The following RNF10 variants were observed in gnomAD, a reference collection of about 807,000 sequenced individuals.
The protein encoded by RNF10 is ring finger protein 10, also known as E3 ubiquitin-protein ligase RNF10.
A neutral mutation model predicts 91.4 loss-of-function variants in RNF10; 38 were observed. The ratio of observed to expected loss-of-function variants is 0.42; its 90% CI spans 0.32 to 0.54. The LOEUF (loss-of-function observed/expected upper bound fraction) is 0.54. Ranked by LOEUF, RNF10 falls within the 20% of genes least tolerant of loss-of-function variation. RNF10 has a pLI of 0.16. For synonymous variants in RNF10, 364 were observed against 366.3 expected (o/e 0.99, Z 0.07); for missense variants, 945 against 1,012.0 (o/e 0.93, Z 0.90).
intron 13 of RNF10, among the ~76,000 whole-genome samples, chr12:120,569,643 A>G (rs935452238): frequency 6.7e-5 from 10 of 148,520 alleles, no homozygotes; most frequent in African/African-American, 2.2e-4. Flanking sequence ...GGTTGAAGCA[A>G]TTCTTGTGCC....
intron 1 of RNF10, among the ~76,000 whole-genome samples, chr12:120,537,822 C>T (rs1044978695): frequency 3.9e-5 from 6 of 152,008 alleles, no homozygotes; most frequent in Admixed American, 2.0e-4. Context: ...TCTTCACTAG[C>T]CATAATCCAC....
Position 120,565,073 on chromosome 12 carries a change from A to G in RNF10, c.1667A>G (p.Asp556Gly), listed in dbSNP as rs1270755734. 1.2e-6 allele frequency: 2 copies of G among 1,609,982 alleles called. No individual in the cohort carries two copies. The highest frequency in any genetic ancestry group is 2.2e-5 in the East Asian group (1 of 44,866). ...VEIAGYSMSEDVRQRHRYLSH... is the reference protein window; with the variant it reads ...VEIAGYSMSEGVRQRHRYLSH... ...GTATTGGTCCTTTTTCCAATGTAGG[A>G]TGTTCGACAGCGTCACAGATATCTC... The change falls in exon 11 of 17, where the codon GAT becomes GGT. Residue 556 changes from aspartate to glycine, a missense_variant and splice_region_variant. Physicochemically the swap from Asp to Gly is moderately conservative, Grantham distance 94 (BLOSUM62 -1). Transcript: ENST00000325954.
chr12:120,556,530 C>CAAAAAAA lies in RNF10; in HGVS notation c.646-731_646-725dup, dbSNP rs34889649. Among the ~76,000 whole-genome samples, 29 of 19,216 alleles carry CAAAAAAA rather than the reference C, an allele frequency of 1.5e-3. 9 individuals carry two copies. The highest frequency in any genetic ancestry group is 6.4e-3 in the African/African-American group (29 of 4,520). 12.6% of individuals were successfully genotyped at this position (19,216 alleles called of 152,430 possible). A position where few individuals can be genotyped will look rare whatever the true frequency, so the allele number is the denominator to read the frequency against. Reference sequence around the variant, plus strand: ...TGGGTGACAGAGTGAGACTCCGTCTCAAAAAAAAAAAAAAAAAAAAAAAAA... The same window carrying CAAAAAAA: ...TGGGTGACAGAGTGAGACTCCGTCTCAAAAAAAAAAAAAAAAAAAAAAAAAAAAAAAA... On this transcript the variant is annotated intron_variant, in intron 4 of 16. Transcript: ENST00000325954.
chr12:120,563,680 G>A (rs1257845974), intron 9 of RNF10, 57 bp downstream of exon 9: 88 of 1,568,338 alleles, frequency 5.6e-5, no homozygotes, highest in Non-Finnish European at 6.9e-5. Context: ...GAGGTGACCC[G>A]GTGCTCTAAG....
At chr12:120,560,400 C>T (rs1014393252) in intron 6 of RNF10, among the ~76,000 whole-genome samples, 1 of 151,216 alleles carries the variant, frequency 6.6e-6, no homozygotes, top group Non-Finnish European at 1.5e-5. Flanking sequence ...GTGATCCACC[C>T]GCCTTGACCT....
At chr12:120,562,271 CTTTTT>C (rs71076634) in intron 7 of RNF10, among the ~76,000 whole-genome samples, 2 of 100,122 alleles carry the variant, frequency 2.0e-5, no homozygotes, top group South Asian at 3.8e-4. Flanking sequence ...TTCTTTCTTT[CTTTTT>C]TTTTTTTTTT....
chr12:120,568,149 G>A lies in RNF10; in HGVS notation c.2041+1169G>A, dbSNP rs558637123. Among the ~76,000 whole-genome samples the A allele has an allele frequency of 2.6e-5, 4 of 152,138 alleles. No individual in the cohort carries two copies. In the East Asian group the frequency reaches 7.7e-4, roughly 29 times the overall value. ...AGTCCCAGCTACTTGGGAGGCTGAG[G>A]TGGGGAGATGGCTTGAGCCTAGGAG... is the stretch of plus-strand genomic sequence containing the variant. On this transcript the variant is annotated intron_variant, in intron 13 of 16. Transcript: ENST00000325954.
chr12:120,568,015 T>C (rs1876040304), intron 13 of RNF10, among the ~76,000 whole-genome samples: 3 of 152,124 alleles, frequency 2.0e-5, no homozygotes, highest in African/African-American at 7.2e-5. Context: ...CTCAGCACTT[T>C]GGGAGGCCAA....
chr12:120,548,377 G>C (rs1872597562), intron 2 of RNF10, among the ~76,000 whole-genome samples: 1 of 152,078 alleles, frequency 6.6e-6, no homozygotes, highest in Non-Finnish European at 1.5e-5. Flanking sequence ...CTCTGAGTCT[G>C]GATAAGAAAC....
At chr12:120,546,264 C>A in intron 1 of RNF10, 141 bp from the exon 2 acceptor site, 1 of 678,496 alleles carries the variant, frequency 1.5e-6, no homozygotes, top group South Asian at 1.9e-5. Context: ...GCTCAAAGCA[C>A]TCATGCTCTG....
intron 1 of RNF10, among the ~76,000 whole-genome samples, chr12:120,545,791 G>C (rs183588138): frequency 3.3e-5 from 5 of 152,232 alleles, no homozygotes; most frequent in Non-Finnish European, 5.9e-5. Context: ...CACCTGCCTC[G>C]GCCTTCCAAA....
intron 1 of RNF10, among the ~76,000 whole-genome samples, chr12:120,545,031 A>G (rs1593057148): frequency 6.6e-6 from 1 of 152,360 alleles, no homozygotes. Flanking sequence ...GTCATTTTAT[A>G]TAAGATTTGT....
intron 10 of RNF10, among the ~76,000 whole-genome samples, 173 bp from the exon 11 acceptor site, chr12:120,564,899 C>CT (rs1301107502): frequency 2.0e-5 from 3 of 152,208 alleles, no homozygotes; most frequent in African/African-American, 7.2e-5. Flanking sequence ...TTCCACCTTG[C>CT]TGTAGGTTGA....
intron 3 of RNF10, chr12:120,553,836 G>T (rs2137183874): frequency 6.6e-6 from 1 of 151,822 alleles, no homozygotes; most frequent in Admixed American, 6.6e-5. Context: ...TTTGGATCTA[G>T]ACTGAAGTAA....
chr12:120,572,300 T>TC, intron 14 of RNF10, among the ~76,000 whole-genome samples: 1 of 152,036 alleles, frequency 6.6e-6, no homozygotes, highest in East Asian at 1.9e-4. Flanking sequence ...TCTCCTGACC[T>TC]CGTGATCCGC....
At chr12:120,572,454 G>GT (rs1876790145) in intron 14 of RNF10, among the ~76,000 whole-genome samples, 1 of 152,128 alleles carries the variant, frequency 6.6e-6, no homozygotes, top group African/African-American at 2.4e-5. Context: ...TTGAGCTTTG[G>GT]TAAGGAGGGT....
At chr12:120,572,900 CTTTTT>C (rs35567785) in intron 14 of RNF10, among the ~76,000 whole-genome samples, 3 of 100,640 alleles carry the variant, frequency 3.0e-5, no homozygotes, top group South Asian at 3.8e-4. Context: ...TGCGCCTGGC[CTTTTT>C]TTTTTTTTTT....
At chr12:120,545,690 A>T (rs549621390) in intron 1 of RNF10, among the ~76,000 whole-genome samples, 1 of 152,152 alleles carries the variant, frequency 6.6e-6, no homozygotes, top group African/African-American at 2.4e-5. Flanking sequence ...GGTGCCCGCC[A>T]CCATGCGCGG....
intron 13 of RNF10, among the ~76,000 whole-genome samples, chr12:120,568,745 G>C (rs566059337): frequency 7.4e-4 from 113 of 152,136 alleles, no homozygotes; most frequent in African/African-American, 2.6e-3. Context: ...CAAAGTGCTG[G>C]GATTGCAGGT....
Sources: gnomAD v4.1 joint callset for allele counts (sites outside exome capture counted in the v4.1 genomes callset) on GRCh38, gnomAD v4.1.1 for gene constraint, MANE v1.5 for transcripts, NCBI Gene and HGNC (gene_info 2026-07-23, HGNC 2026-07-21) for gene names.